The following NAGA variants were observed in gnomAD, a reference collection of about 807,000 sequenced individuals.
NAGA encodes the protein Acetylgalactosaminidase, alpha-N- (alpha-galactosidase B).
A neutral mutation model predicts 45.6 loss-of-function variants in NAGA; 42 were observed. The ratio of observed to expected loss-of-function variants is 0.92; its 90% CI spans 0.72 to 1.19. The LOEUF is 1.19. Ranked by LOEUF, NAGA falls within the 50% of genes most tolerant of loss-of-function variation. NAGA has a pLI of 0.00. For synonymous variants in NAGA, 176 were observed against 203.1 expected (o/e 0.87, Z 1.13); for missense variants, 493 against 544.8 (o/e 0.90, Z 0.95).
intron 8 of NAGA, among the ~76,000 whole-genome samples, chr22:42,060,678 G>A (rs754799471): frequency 1.3e-5 from 2 of 152,216 alleles, no homozygotes; most frequent in Non-Finnish European, 2.9e-5. Context: ...CTTGGGAGGA[G>A]TACAGCCGTA....
At chr22:42,068,187 C>T (rs1926856335) in intron 2 of NAGA, among the ~76,000 whole-genome samples, 1 of 152,180 alleles carries the variant, frequency 6.6e-6, no homozygotes, top group South Asian at 2.1e-4. Flanking sequence ...GCCTGACCTT[C>T]TAAGAGTTAT....
At chr22:42,067,686 G>T in intron 3 of NAGA, 79 bp downstream of exon 3, 3 of 1,274,332 alleles carry the variant, frequency 2.4e-6, no homozygotes, top group South Asian at 1.2e-5. Flanking sequence ...TCTCAATCAT[G>T]TAAGTGAGCC....
chr22:42,066,627 C>A, intron 5 of NAGA, 83 bp downstream of exon 5: 1 of 1,328,856 alleles, frequency 7.5e-7, no homozygotes, highest in Non-Finnish European at 1.1e-6. Flanking sequence ...CTCTGGAAGG[C>A]CCCGTCCCTG....
intron 6 of NAGA, among the ~76,000 whole-genome samples, chr22:42,065,084 C>T (rs77920989): frequency 0.013 from 2,005 of 152,264 alleles, 17 homozygotes; most frequent in Non-Finnish European, 0.021. Context: ...GTTACTTGCC[C>T]GAGGTAAAGT....
At chr22:42,069,950 G>A (rs760295139) in intron 1 of NAGA, among the ~76,000 whole-genome samples, 1 of 152,222 alleles carries the variant, frequency 6.6e-6, no homozygotes, top group Non-Finnish European at 1.5e-5. Context: ...CACCCAATCA[G>A]CTCACCTAAG....
chr22:42,063,826 G>C (rs549068015), intron 6 of NAGA, among the ~76,000 whole-genome samples: 76 of 152,108 alleles, frequency 5.0e-4, no homozygotes, highest in Non-Finnish European at 9.4e-4. Flanking sequence ...TACAGAGGCA[G>C]GTGAATCACT....
In NAGA at chr22:42,060,318, G is replaced by T. The variant is rs767513496; in HGVS notation, c.1197C>A (p.Tyr399Ter). ...IINPSGVVMW[Y>*]LYPIKNLEMS... ...TCTCCAGGTTCTTGATGGGATACAG[G>T]TACCACATCACTACCCCTGAAGGGT... Residue 399 changes from tyrosine to a stop codon, truncating the protein, a stop_gained, in exon 9 of 9, where the codon TAC (tyrosine) becomes TAA (stop). Transcript: ENST00000396398. LOFTEE classifies it high-confidence loss of function. The T allele has an allele frequency of 3.1e-6, 5 of 1,613,594 alleles. No homozygotes were observed. The Admixed American group carries it at 6.7e-5, about 22-fold the overall frequency.
In NAGA at chr22:42,067,755, TGCGGCTCACGTA is replaced by T; in HGVS notation, c.322_324+9del. The T allele has an allele frequency of 6.2e-7, 1 of 1,610,386 alleles. No homozygotes were observed. On this transcript the variant is annotated splice_donor_variant and splice_donor_5th_base_variant and coding_sequence_variant and intron_variant, in exon 3 of 9. Coordinates refer to ENST00000396398, the MANE Select transcript of NAGA (RefSeq NM_000262.3). LOFTEE classifies it high-confidence loss of function. ...CCTGAGGCCAAGGGCAGGGCTGGGG[TGCGGCTCACGTA>T]GTCAGCCAGGAAAGGAATGCCATGA...
At chr22:42,065,187 C>T (rs995070119) in intron 6 of NAGA, among the ~76,000 whole-genome samples, 2 of 152,190 alleles carry the variant, frequency 1.3e-5, no homozygotes, top group African/African-American at 4.8e-5. Context: ...TTCTTATAAT[C>T]ATCATAGGAT....
At chr22:42,067,718 G>C in intron 3 of NAGA, 47 bp downstream of exon 3, 4 of 1,537,790 alleles carry the variant, frequency 2.6e-6, no homozygotes, top group Non-Finnish European at 3.6e-6. Flanking sequence ...AGGGTGAAAG[G>C]AGTGGTCTAG....
At chr22:42,068,362 G>A (rs1393479004) in intron 2 of NAGA, 77 bp downstream of exon 2, 2 of 1,608,958 alleles carry the variant, frequency 1.2e-6, no homozygotes, top group Admixed American at 1.7e-5. Flanking sequence ...CTCTTTTCTA[G>A]TGGACTCTCC....
intron 7 of NAGA, among the ~76,000 whole-genome samples, 174 bp from the exon 8 acceptor site, chr22:42,061,241 C>G (rs1447915201): frequency 1.3e-5 from 2 of 152,192 alleles, no homozygotes; most frequent in African/African-American, 4.8e-5. Flanking sequence ...TATCTGCCCA[C>G]CTTCCCTGAC....
chr22:42,067,390 C>T (rs1277524563), intron 3 of NAGA, 100 bp from the exon 4 acceptor site: 14 of 1,448,620 alleles, frequency 9.7e-6, no homozygotes, highest in South Asian at 2.3e-5. Context: ...GTGGCTCCCA[C>T]GGACCAAAGG....
At position 42,058,765 on chromosome 22, in the gene NAGA, C is replaced by G. The variant is rs1926198815; in HGVS notation, c.*1514G>C. On this transcript the variant is annotated 3_prime_UTR_variant, in exon 9 of 9. Coordinates refer to ENST00000396398, the MANE Select transcript of NAGA (RefSeq NM_000262.3). ...CATTTCCCACAAAGCCTTCCTGGAG[C>G]TAGCAAGAGAAGGTGTTCCCACCTG... 1 of 152,330 alleles carries G rather than the reference C, an allele frequency of 6.6e-6. No homozygotes were observed. Among genetic ancestry groups the G allele is most frequent in the Non-Finnish European group, 1.5e-5 (1 of 68,126 alleles). The allele number at this position is 152,330 out of a possible 1,614,324, so 9.4% of individuals were successfully genotyped here.
chr22:42,067,680 A>C lies in NAGA; in HGVS notation c.324+85T>G, dbSNP rs146430359. On this transcript the variant is annotated intron_variant, in intron 3 of 8. Coordinates refer to ENST00000396398, the MANE Select transcript of NAGA (RefSeq NM_000262.3). ...TTCCCCCACTAGACTGTGAGATCTCAATCATGTAAGTGAGCCCTAAGCGAG... is the reference window on the plus strand; with the variant it reads ...TTCCCCCACTAGACTGTGAGATCTCCATCATGTAAGTGAGCCCTAAGCGAG... 783 of 1,199,708 alleles carry C rather than the reference A, an allele frequency of 6.5e-4. 10 individuals carry two copies. The African/African-American group carries it at 0.011, about 16-fold the overall frequency. 74.3% of individuals were successfully genotyped at this position (1,199,708 alleles called of 1,614,324 possible).
intron 6 of NAGA, 138 bp from the exon 7 acceptor site, chr22:42,063,162 G>A: frequency 1.2e-6 from 1 of 846,010 alleles, no homozygotes; most frequent in Non-Finnish European, 1.9e-6. Flanking sequence ...GCCTGGTTCA[G>A]CAAACACCAT....
At chr22:42,064,638 C>G (rs562297680) in intron 6 of NAGA, among the ~76,000 whole-genome samples, 65 of 152,216 alleles carry the variant, frequency 4.3e-4, no homozygotes, top group African/African-American at 1.5e-3. Flanking sequence ...GAGCAAGACT[C>G]TGTCTCAAAA....
rs191020126 is a variant in NAGA at position 42,067,298 on chromosome 22, G to A, written c.325-8C>T. 3.7e-6 allele frequency: 6 copies of A among 1,613,940 alleles called. No homozygotes were observed. The highest frequency in any genetic ancestry group is 5.1e-6 in the Non-Finnish European group (6 of 1,179,984). On this transcript the variant is annotated splice_region_variant and splice_polypyrimidine_tract_variant and intron_variant, in intron 3 of 8. Transcript: ENST00000396398. The stretch of plus-strand genomic sequence containing the variant: ...CAGGCCCAGGGAGTGAACCTGTGGG[G>A]GTTTGAGGACACAGTGGGCTCAAGC...
chr22:42,069,758 C>T (rs912804439), intron 1 of NAGA, among the ~76,000 whole-genome samples: 3 of 152,100 alleles, frequency 2.0e-5, no homozygotes, highest in Admixed American at 6.5e-5. Context: ...AGGTTGTATA[C>T]GTACTGTGGT....
Sources: gnomAD v4.1 joint callset for allele counts (sites outside exome capture counted in the v4.1 genomes callset) on GRCh38, gnomAD v4.1.1 for gene constraint, MANE v1.5 for transcripts, NCBI Gene and HGNC (gene_info 2026-07-23, HGNC 2026-07-21) for gene names.